CSMD1: variants seen among roughly 807,000 people sequenced by gnomAD.
CSMD1 encodes CUB and sushi domain-containing protein 1.
In CSMD1, 213 loss-of-function variants were observed where a neutral mutation model predicts 417.5. That is an observed-to-expected ratio of 0.51 (90% CI 0.46 to 0.57). The LOEUF is 0.57. Ranked by LOEUF, CSMD1 falls within the 20% of genes least tolerant of loss-of-function variation. The probability of loss-of-function intolerance (pLI) is 0.00; values close to 1 mark genes in which losing one functional copy is unlikely to be tolerated. For synonymous variants in CSMD1, 2,862 were observed against 1,736.8 expected, an observed-to-expected ratio of 1.65 and a Z score of -16.11; for missense variants, 6,923 against 4,529.7, an observed-to-expected ratio of 1.53 and a Z score of -15.17.
At chr8:4,353,633 C>A (rs938599256) in intron 3 of CSMD1, among the ~76,000 whole-genome samples, 1 of 152,008 alleles carries the variant, frequency 6.6e-6, no homozygotes, top group African/African-American at 2.4e-5. Context: ...TCACGCCCAA[C>A]GGGACAGGCT....
At chr8:3,273,156 T>C (rs1801999180) in intron 26 of CSMD1, among the ~76,000 whole-genome samples, 1 of 151,512 alleles carries the variant, frequency 6.6e-6, no homozygotes, top group Admixed American at 6.6e-5. Flanking sequence ...TGTTGAATTT[T>C]GTCAAAGGCC....
intron 5 of CSMD1, among the ~76,000 whole-genome samples, chr8:3,822,927 T>G (rs1801820167): frequency 6.6e-6 from 1 of 152,170 alleles, no homozygotes; most frequent in Admixed American, 6.5e-5. Context: ...AAAGACTGTT[T>G]GGTATTCTAT....
chr8:3,413,788 T>C (rs930267369), intron 12 of CSMD1, among the ~76,000 whole-genome samples: 1 of 152,160 alleles, frequency 6.6e-6, no homozygotes. Context: ...TGATACAGTA[T>C]GTGTGTCAAA....
chr8:3,449,366 G>A (rs1024833828), intron 12 of CSMD1, among the ~76,000 whole-genome samples: 2 of 152,110 alleles, frequency 1.3e-5, no homozygotes, highest in African/African-American at 4.8e-5. Context: ...CCTCTGTTAT[G>A]TGACAATGTC....
intron 49 of CSMD1, among the ~76,000 whole-genome samples, chr8:3,056,482 C>T (rs1812230541): frequency 6.6e-6 from 1 of 151,234 alleles, no homozygotes; most frequent in African/African-American, 2.5e-5. Flanking sequence ...ATCCTCTCAC[C>T]TCAGCATCCC....
At chr8:4,147,265 T>G (rs77234576) in intron 3 of CSMD1, among the ~76,000 whole-genome samples, 1 of 152,094 alleles carries the variant, frequency 6.6e-6, no homozygotes, top group African/African-American at 2.4e-5. Context: ...CAGCGGCTCC[T>G]CCTCACCTGC....
intron 5 of CSMD1, among the ~76,000 whole-genome samples, chr8:3,757,961 T>C (rs1343399933): frequency 6.6e-6 from 1 of 152,108 alleles, no homozygotes; most frequent in Non-Finnish European, 1.5e-5. Flanking sequence ...AATGCGTAAG[T>C]CCTGCACAAA....
Position 3,118,396 on chromosome 8 carries a change from T to TA in CSMD1, c.6430+2dup, listed in dbSNP as rs1488979583. The TA allele has an allele frequency of 6.2e-7, 1 of 1,608,056 alleles. No homozygotes were observed. Among genetic ancestry groups the TA allele is most frequent in the African/African-American group, 1.3e-5 (1 of 74,708 alleles). On this transcript the variant is annotated splice_region_variant and intron_variant, in intron 42 of 69. Transcript: ENST00000635120. ...TCGCCCCCATGCAAAGTGATGAACT[T>TA]ACCATCACATCTTGGAAAAGGGTAG...
At chr8:4,656,791 C>T (rs1804261455) in intron 1 of CSMD1, among the ~76,000 whole-genome samples, 1 of 152,000 alleles carries the variant, frequency 6.6e-6, no homozygotes, top group Non-Finnish European at 1.5e-5. Flanking sequence ...AAGGACCGTC[C>T]TGCGGGGATT....
At chr8:4,737,531 C>T (rs1278865954) in intron 1 of CSMD1, among the ~76,000 whole-genome samples, 1 of 152,110 alleles carries the variant, frequency 6.6e-6, no homozygotes, top group Admixed American at 6.6e-5. Flanking sequence ...TTACCAGACA[C>T]ATGATTGATG....
At chr8:3,882,125 A>C (rs919574775) in intron 5 of CSMD1, among the ~76,000 whole-genome samples, 3 of 152,202 alleles carry the variant, frequency 2.0e-5, no homozygotes, top group Non-Finnish European at 2.9e-5. Context: ...GAAAGTGAGA[A>C]AAAATCATCA....
At chr8:4,742,389 A>G (rs1810678879) in intron 1 of CSMD1, among the ~76,000 whole-genome samples, 1 of 151,740 alleles carries the variant, frequency 6.6e-6, no homozygotes, top group Non-Finnish European at 1.5e-5. Context: ...GAAATTTAAG[A>G]CTGCTGTTTT....
chr8:3,281,985 C>T (rs1400313935), intron 26 of CSMD1, among the ~76,000 whole-genome samples: 1 of 152,108 alleles, frequency 6.6e-6, no homozygotes, highest in Admixed American at 6.6e-5. Context: ...CTTCCCCGGT[C>T]GTGGAAGATG....
chr8:3,500,793 G>C (rs1240841456), intron 10 of CSMD1, among the ~76,000 whole-genome samples: 3 of 152,170 alleles, frequency 2.0e-5, no homozygotes, highest in Non-Finnish European at 4.4e-5. Context: ...TGTAGGCATG[G>C]AAGAAGCGCT....
At chr8:4,413,679 C>G (rs1247050335) in intron 3 of CSMD1, among the ~76,000 whole-genome samples, 1 of 152,136 alleles carries the variant, frequency 6.6e-6, no homozygotes, top group Non-Finnish European at 1.5e-5. Context: ...ATCCCAAGAA[C>G]TTACCCAGTG....
chr8:4,442,264 G>C (rs1238061), intron 2 of CSMD1, among the ~76,000 whole-genome samples: 2,760 of 152,106 alleles, frequency 0.018, 61 homozygotes, highest in African/African-American at 0.063. Flanking sequence ...TTAAAATTTT[G>C]TTTTTATAAC....
intron 1 of CSMD1, among the ~76,000 whole-genome samples, chr8:4,715,436 C>T (rs1033150757): frequency 2.6e-5 from 4 of 152,104 alleles, no homozygotes; most frequent in Non-Finnish European, 5.9e-5. Flanking sequence ...TCTATTTACC[C>T]ATTCCCTTGA....
intron 3 of CSMD1, among the ~76,000 whole-genome samples, chr8:4,038,686 T>A (rs562517111): frequency 6.6e-5 from 10 of 152,314 alleles, no homozygotes; most frequent in African/African-American, 2.2e-4. Context: ...TTACACTCCT[T>A]CCCATAGATG....
At chr8:3,993,308 A>G (rs1814904115) in intron 5 of CSMD1, among the ~76,000 whole-genome samples, 1 of 152,184 alleles carries the variant, frequency 6.6e-6, no homozygotes, top group Non-Finnish European at 1.5e-5. Context: ...CACGTGAGAG[A>G]AGGATTGATT....
Sources: allele counts gnomAD v4.1 joint callset (sites outside exome capture counted in the v4.1 genomes callset), GRCh38; gene constraint gnomAD v4.1.1; transcripts MANE v1.5; gene names NCBI Gene and HGNC (gene_info 2026-07-23, HGNC 2026-07-21).